GALNT13: variants seen among roughly 807,000 people sequenced by gnomAD.
The protein encoded by GALNT13 is polypeptide N-acetylgalactosaminyltransferase 13, also known as UDP-GalNAc:polypeptide N-acetylgalactosaminyltransferase 13.
GALNT13 carries 28 observed loss-of-function variants against 64.2 expected under a neutral mutation model. The ratio of observed to expected loss-of-function variants is 0.44; its 90% CI spans 0.32 to 0.60. GALNT13 has a LOEUF of 0.60. Ranked by LOEUF, GALNT13 falls within the 20% of genes least tolerant of loss-of-function variation. The pLI, the probability that GALNT13 is intolerant of heterozygous loss-of-function variation, is 0.05. For synonymous variants in GALNT13, 214 were observed against 224.6 expected (o/e 0.95, Z 0.42); for missense variants, 577 against 669.8 (o/e 0.86, Z 1.53).
the GALNT13 span, among the ~76,000 whole-genome samples, chr2:153,231,705 G>A: frequency 1.3e-5 from 2 of 152,116 alleles, no homozygotes; most frequent in African/African-American, 2.4e-5. Context: ...GAACCACAGA[G>A]CTGGTTCATA....
intron 12 of GALNT13, 26 bp downstream of exon 12, chr2:154,438,752 T>C: frequency 6.5e-7 from 1 of 1,543,664 alleles, no homozygotes; most frequent in Middle Eastern, 1.7e-4. Flanking sequence ...AATTTACTTA[T>C]TATTTGATGC....
chr2:153,391,429 G>A, the GALNT13 span, among the ~76,000 whole-genome samples: 121 of 151,978 alleles, frequency 8.0e-4, no homozygotes, highest in Non-Finnish European at 1.6e-3. Flanking sequence ...TCTATTTAGG[G>A]CTTGAGTATA....
chr2:153,482,043 A>T, the GALNT13 span, among the ~76,000 whole-genome samples: 3 of 152,208 alleles, frequency 2.0e-5, no homozygotes, highest in African/African-American at 7.2e-5. Flanking sequence ...AAAGCCAGAA[A>T]TAAGCAAAAT....
chr2:154,447,596 G>A (rs1254918482), intron 12 of GALNT13, among the ~76,000 whole-genome samples: 2 of 151,998 alleles, frequency 1.3e-5, no homozygotes, highest in African/African-American at 4.8e-5. Flanking sequence ...AAGGAAGATT[G>A]GGGCATTTTT....
chr2:153,462,210 C>A, the GALNT13 span, among the ~76,000 whole-genome samples: 60 of 151,986 alleles, frequency 3.9e-4, no homozygotes, highest in East Asian at 0.01. Flanking sequence ...ATATTTCCCT[C>A]CGTACATATA....
the GALNT13 span, among the ~76,000 whole-genome samples, chr2:153,790,971 A>G: frequency 2.6e-3 from 401 of 152,286 alleles, 2 homozygotes; most frequent in Non-Finnish European, 2.2e-3. Flanking sequence ...ACAAATGGAA[A>G]GATTTCATGA....
chr2:154,219,089 T>A (rs1490079147), intron 4 of GALNT13, among the ~76,000 whole-genome samples: 3 of 152,098 alleles, frequency 2.0e-5, no homozygotes, highest in Non-Finnish European at 4.4e-5. Context: ...TCACCAAGAA[T>A]CTAATATCTC....
chr2:154,409,195 A>G (rs780621433), intron 11 of GALNT13, 113 bp downstream of exon 11: 1 of 741,454 alleles, frequency 1.3e-6, no homozygotes, highest in South Asian at 1.5e-5. Flanking sequence ...TAATAAATAA[A>G]TGTACACTCA....
chr2:153,350,829 G>T, the GALNT13 span, among the ~76,000 whole-genome samples: 7 of 152,108 alleles, frequency 4.6e-5, no homozygotes, highest in African/African-American at 1.7e-4. Flanking sequence ...CCCAAGTTAA[G>T]AACAAATGAC....
chr2:154,019,296 A>T (rs1046111144), intron 3 of GALNT13, among the ~76,000 whole-genome samples: 1 of 152,162 alleles, frequency 6.6e-6, no homozygotes, highest in African/African-American at 2.4e-5. Flanking sequence ...GCCATTTAAT[A>T]TCTTGTTTTG....
At chr2:153,318,967 A>C in the GALNT13 span, among the ~76,000 whole-genome samples, 1 of 152,154 alleles carries the variant, frequency 6.6e-6, no homozygotes, top group Non-Finnish European at 1.5e-5. Context: ...TCTTCCTTCC[A>C]ACAATCCAAT....
chr2:153,304,959 G>A, the GALNT13 span, among the ~76,000 whole-genome samples: 2 of 152,164 alleles, frequency 1.3e-5, no homozygotes, highest in Non-Finnish European at 1.5e-5. Context: ...GGTGGGTATA[G>A]GCTGAAACAT....
the GALNT13 span, among the ~76,000 whole-genome samples, chr2:153,255,588 T>A: frequency 6.6e-6 from 1 of 152,146 alleles, no homozygotes; most frequent in Non-Finnish European, 1.5e-5. Context: ...TTGGCATGAT[T>A]TTGCAGCGGC....
the GALNT13 span, among the ~76,000 whole-genome samples, chr2:153,082,656 C>T: frequency 3.9e-5 from 3 of 77,760 alleles, no homozygotes; most frequent in Admixed American, 1.5e-4. Context: ...CACACACACA[C>T]ACACACACAT....
the GALNT13 span, among the ~76,000 whole-genome samples, chr2:153,508,740 C>G: frequency 1.2e-4 from 19 of 152,328 alleles, no homozygotes; most frequent in African/African-American, 4.6e-4. Context: ...TGGATTCTCT[C>G]AGCTTTCCTG....
At chr2:154,366,971 A>G (rs1697399020) in intron 9 of GALNT13, among the ~76,000 whole-genome samples, 2 of 152,202 alleles carry the variant, frequency 1.3e-5, no homozygotes, top group African/African-American at 2.4e-5. Context: ...AAGAAATACC[A>G]TGGAATACTC....
chr2:153,117,997 C>T, the GALNT13 span, among the ~76,000 whole-genome samples: 1 of 151,990 alleles, frequency 6.6e-6, no homozygotes, highest in African/African-American at 2.4e-5. Context: ...ATTATCTTTT[C>T]CTTGAACTGT....
intron 11 of GALNT13, chr2:154,436,291 CTG>C (rs1172345992): frequency 3.3e-5 from 5 of 152,030 alleles, no homozygotes; most frequent in Admixed American, 6.5e-5. Flanking sequence ...TTACTTATAA[CTG>C]TAACAACCAC....
intron 9 of GALNT13, among the ~76,000 whole-genome samples, chr2:154,354,123 T>G (rs1382697461): frequency 6.6e-6 from 1 of 152,156 alleles, no homozygotes; most frequent in Non-Finnish European, 1.5e-5. Context: ...AGGTGATATT[T>G]TTATAGTGGT....
Sources: allele counts gnomAD v4.1 joint callset (sites outside exome capture counted in the v4.1 genomes callset), GRCh38; gene constraint gnomAD v4.1.1; transcripts MANE v1.5; gene names NCBI Gene and HGNC (gene_info 2026-07-23, HGNC 2026-07-21).